THSD7B: variants seen among roughly 807,000 people sequenced by gnomAD.
THSD7B encodes the protein thrombospondin type-1 domain-containing protein 7B.
In THSD7B, 138 loss-of-function variants were observed where a neutral mutation model predicts 213.6. That is an observed-to-expected ratio of 0.65 (90% CI 0.56 to 0.74). The LOEUF (loss-of-function observed/expected upper bound fraction) is 0.74. Among genes scored for constraint, THSD7B ranks in the 30% least tolerant of loss-of-function variants. The probability of loss-of-function intolerance (pLI) is 0.00; values close to 1 mark genes in which losing one functional copy is unlikely to be tolerated. For synonymous variants in THSD7B, 742 were observed against 687.0 expected, an observed-to-expected ratio of 1.08 and a Z score of -1.25; for missense variants, 1,931 against 1,991.5, an observed-to-expected ratio of 0.97 and a Z score of 0.58.
At chr2:137,433,159 C>A (rs535354062) in intron 14 of THSD7B, among the ~76,000 whole-genome samples, 1 of 151,894 alleles carries the variant, frequency 6.6e-6, no homozygotes, top group Admixed American at 6.6e-5. Context: ...AGGAGCAGGG[C>A]GCTGTAAGAT....
intron 5 of THSD7B, among the ~76,000 whole-genome samples, chr2:137,137,922 A>G (rs1436821498): frequency 6.6e-6 from 1 of 151,804 alleles, no homozygotes; most frequent in Non-Finnish European, 1.5e-5. Context: ...TTTTTGAAAT[A>G]GGGTCTCACT....
intron 12 of THSD7B, among the ~76,000 whole-genome samples, chr2:137,316,407 A>G (rs1305944783): frequency 6.6e-6 from 1 of 152,252 alleles, no homozygotes; most frequent in Non-Finnish European, 1.5e-5. Flanking sequence ...ATTTTTGTAC[A>G]TATTTCCCAA....
chr2:136,780,377 C>G (rs1573634968), intron 1 of THSD7B, among the ~76,000 whole-genome samples: 2 of 152,120 alleles, frequency 1.3e-5, no homozygotes, highest in East Asian at 3.9e-4. Flanking sequence ...TCCAAAAAGG[C>G]CTAACTCCAA....
At chr2:137,600,174 A>T (rs1397994303) in intron 17 of THSD7B, among the ~76,000 whole-genome samples, 2 of 152,176 alleles carry the variant, frequency 1.3e-5, no homozygotes, top group Non-Finnish European at 2.9e-5. Context: ...CAGTTCAGGC[A>T]TATTTTGTCT....
intron 12 of THSD7B, among the ~76,000 whole-genome samples, chr2:137,327,012 C>T (rs142650348): frequency 6.6e-6 from 1 of 152,178 alleles, no homozygotes; most frequent in African/African-American, 2.4e-5. Context: ...TTCTTTCCTG[C>T]AAAACACATT....
At chr2:137,624,644 C>T (rs541082203) in intron 20 of THSD7B, among the ~76,000 whole-genome samples, 1 of 152,108 alleles carries the variant, frequency 6.6e-6, no homozygotes, top group Non-Finnish European at 1.5e-5. Context: ...ATCAAACAAC[C>T]TCATCAACAA....
At chr2:137,388,742 A>C (rs1459647896) in intron 12 of THSD7B, among the ~76,000 whole-genome samples, 1 of 152,094 alleles carries the variant, frequency 6.6e-6, no homozygotes, top group Non-Finnish European at 1.5e-5. Context: ...CTTATTTAGC[A>C]CCTACATGAG....
chr2:137,622,409 T>G (rs1474184028), intron 20 of THSD7B, among the ~76,000 whole-genome samples: 1 of 152,014 alleles, frequency 6.6e-6, no homozygotes, highest in Non-Finnish European at 1.5e-5. Flanking sequence ...AGTGGTGGTA[T>G]AGACATTTGT....
In THSD7B at chr2:137,272,616, T is replaced by C; in HGVS notation, c.2350T>C (p.Tyr784His). 2 of 1,612,302 alleles carry C rather than the reference T, an allele frequency of 1.2e-6. No individual in the cohort carries two copies. Among genetic ancestry groups the C allele is most frequent in the Non-Finnish European group, 1.7e-6 (2 of 1,179,008 alleles). ...NGGQECPDTL[Y>H]EERECEDVSL... ...AGGCCAGGAATGCCCAGATACCTTATATGAGGAGAGAGAGTGTGAAGATGT... is the reference window on the plus strand; with the variant it reads ...AGGCCAGGAATGCCCAGATACCTTACATGAGGAGAGAGAGTGTGAAGATGT... The change falls in exon 11 of 28, where the codon TAT becomes CAT. Residue 784 changes from tyrosine (Y) to histidine (H), a missense_variant. By Grantham distance (83) the Tyr-to-His change is moderately conservative. Coordinates refer to ENST00000409968, the MANE Select transcript of THSD7B (RefSeq NM_001316349.2).
At chr2:137,004,834 A>T (rs1157293640) in intron 2 of THSD7B, among the ~76,000 whole-genome samples, 4 of 152,180 alleles carry the variant, frequency 2.6e-5, no homozygotes, top group Admixed American at 6.5e-5. Context: ...ATATTCATTA[A>T]TTCACTGAGT....
chr2:137,502,045 C>A (rs764455189), intron 15 of THSD7B, among the ~76,000 whole-genome samples: 10 of 152,114 alleles, frequency 6.6e-5, no homozygotes, highest in Non-Finnish European at 1.5e-4. Flanking sequence ...AACCTAAATA[C>A]AAGAAACTCG....
At chr2:136,828,032 T>C (rs1384914457) in intron 1 of THSD7B, among the ~76,000 whole-genome samples, 1 of 152,050 alleles carries the variant, frequency 6.6e-6, no homozygotes, top group East Asian at 1.9e-4. Flanking sequence ...GTTGATAACA[T>C]AGGAGCCATG....
chr2:137,159,996 G>A (rs887259572), intron 5 of THSD7B, among the ~76,000 whole-genome samples: 22 of 152,146 alleles, frequency 1.4e-4, no homozygotes, highest in Admixed American at 1.3e-3. Flanking sequence ...AATTTCAAGC[G>A]CATGCACTTT....
intron 15 of THSD7B, among the ~76,000 whole-genome samples, chr2:137,518,854 T>C (rs1454143810): frequency 1.3e-5 from 2 of 152,196 alleles, no homozygotes; most frequent in Non-Finnish European, 2.9e-5. Context: ...GCCTTCGATA[T>C]GGCACCATTC....
intron 6 of THSD7B, among the ~76,000 whole-genome samples, chr2:137,161,527 T>G (rs144270294): frequency 9.2e-5 from 14 of 152,340 alleles, no homozygotes; most frequent in African/African-American, 3.4e-4. Context: ...CAGACTCACT[T>G]ACCCCTGTTC....
chr2:137,516,358 T>G (rs1680068172), intron 15 of THSD7B, among the ~76,000 whole-genome samples: 1 of 152,174 alleles, frequency 6.6e-6, no homozygotes, highest in Admixed American at 6.5e-5. Context: ...CAGAACTACT[T>G]GAATGAAGGA....
chr2:137,389,114 G>A (rs953034722), intron 12 of THSD7B, among the ~76,000 whole-genome samples: 1 of 148,320 alleles, frequency 6.7e-6, no homozygotes, highest in Non-Finnish European at 1.5e-5. Flanking sequence ...CTTACTGGCT[G>A]TATTAATTTA....
chr2:136,854,107 C>G (rs1224189996), intron 1 of THSD7B, among the ~76,000 whole-genome samples: 1 of 152,094 alleles, frequency 6.6e-6, no homozygotes, highest in African/African-American at 2.4e-5. Context: ...ATTTCAATAC[C>G]AGATCAGGTT....
intron 17 of THSD7B, among the ~76,000 whole-genome samples, chr2:137,601,274 C>G (rs1032398088): frequency 6.6e-6 from 1 of 152,192 alleles, no homozygotes; most frequent in Non-Finnish European, 1.5e-5. Flanking sequence ...TATTCACTCA[C>G]TGCTCACTCA....
Sources: gnomAD v4.1 joint callset for allele counts (sites outside exome capture counted in the v4.1 genomes callset) on GRCh38, gnomAD v4.1.1 for gene constraint, MANE v1.5 for transcripts, NCBI Gene and HGNC (gene_info 2026-07-23, HGNC 2026-07-21) for gene names.